Variants in TACC2 observed in about 807,000 individuals in gnomAD.
The protein encoded by TACC2 is transforming acidic coiled-coil containing protein 2.
Under a neutral mutation model 227.3 loss-of-function variants are expected in TACC2, and 137 were observed. That is an observed-to-expected ratio of 0.60 (90% CI 0.52 to 0.69). TACC2 has a LOEUF of 0.69. Among genes scored for constraint, TACC2 ranks in the 30% least tolerant of loss-of-function variants. TACC2 has a pLI of 0.00. For missense variants in TACC2, 3,470 were observed against 3,694.4 expected, an observed-to-expected ratio of 0.94 and a Z score of 1.57; for synonymous variants, 1,523 against 1,487.5, an observed-to-expected ratio of 1.02 and a Z score of -0.55.
Position 122,087,803 on chromosome 10 carries a change from G to A in TACC2, c.5303G>A (p.Ser1768Asn), listed in dbSNP as rs754931537. ...GGTACAGCTGCCCTTCATGGGGACA[G>A]CCCAGCCAGGCCCCAGCAGGCTAAG... ...MEGTAALHGD[S>N]PARPQQAKEQ... is the part of the protein sequence containing the mutation. Residue 1768 changes from serine to asparagine, a missense_variant, in exon 4 of 23, where the codon AGC (serine) becomes AAC (asparagine). Physicochemically the swap from Ser to Asn is conservative, Grantham distance 46. Transcript: ENST00000369005. 4.4e-6 allele frequency: 7 copies of A among 1,579,076 alleles called. No individual in the cohort carries two copies. Among genetic ancestry groups the A allele is most frequent in the Non-Finnish European group, 2.6e-6 (3 of 1,161,326 alleles).
intron 5 of TACC2, among the ~76,000 whole-genome samples, chr10:122,124,854 T>C (rs2086532586): frequency 6.6e-6 from 1 of 152,220 alleles, no homozygotes; most frequent in South Asian, 2.1e-4. Flanking sequence ...GTAATATAAA[T>C]GTATATGTAC....
rs566471372 is a variant in TACC2 at position 122,066,485 on chromosome 10, T to G, written c.146+15935T>G. Among the ~76,000 whole-genome samples the G allele has an allele frequency of 2.0e-5, 3 of 152,288 alleles. No homozygotes were observed. In the East Asian group the frequency reaches 5.8e-4, roughly 29 times the overall value. ...GGTTTTACCATGTTGGTCAGGGTGG[T>G]CTCGAACCCCTAACCTTGTGATCCG... is the stretch of plus-strand genomic sequence containing the variant. On this transcript the variant is annotated intron_variant, in intron 3 of 22. Transcript: ENST00000369005.
At chr10:122,024,555 T>G (rs1391151909) in intron 2 of TACC2, among the ~76,000 whole-genome samples, 1 of 152,148 alleles carries the variant, frequency 6.6e-6, no homozygotes, top group African/African-American at 2.4e-5. Flanking sequence ...CACCTCTCTC[T>G]CCTCTCATCC....
intron 5 of TACC2, among the ~76,000 whole-genome samples, chr10:122,088,922 A>C (rs897723772): frequency 6.6e-6 from 1 of 152,160 alleles, no homozygotes; most frequent in African/African-American, 2.4e-5. Context: ...GGAGTTTGAG[A>C]CCAGCCACAT....
chr10:122,008,264 A>ATTATTTTTTTTTTTTTTTT, intron 1 of TACC2, among the ~76,000 whole-genome samples: 2 of 134,652 alleles, frequency 1.5e-5, no homozygotes, highest in African/African-American at 5.6e-5. Context: ...TATTATTATT[A>ATTATTTTTTTTTTTTTTTT]TTTTTTTTTT....
intron 19 of TACC2, chr10:122,248,432 A>G (rs926122443): frequency 4.4e-5 from 26 of 596,754 alleles, no homozygotes; most frequent in Non-Finnish European, 6.8e-5. Flanking sequence ...GAGGCTGCAC[A>G]GGCCCGGGTC....
rs1441076981 is a variant in TACC2, at chr10:122,017,766, G to A, written c.-45-4171G>A. Among the ~76,000 whole-genome samples the A allele has an allele frequency of 4.4e-5, 6 of 136,984 alleles. No individual in the cohort carries two copies. In the South Asian group the frequency reaches 7.3e-4, roughly 17 times the overall value. 89.9% of individuals were successfully genotyped at this position (136,984 alleles called of 152,430 possible). A position where few individuals can be genotyped will look rare whatever the true frequency, so the allele number is the denominator to read the frequency against. The stretch of plus-strand genomic sequence containing the variant: ...CTAGAGGCAGAGGTTTCAGTGAGCC[G>A]AGATCGCGCCACTGCACTTCATCCA... On this transcript the variant is annotated intron_variant, in intron 1 of 22. Transcript: ENST00000369005.
chr10:122,217,231 A>C (rs1382969170), intron 11 of TACC2, among the ~76,000 whole-genome samples: 1 of 151,942 alleles, frequency 6.6e-6, no homozygotes, highest in African/African-American at 2.4e-5. Flanking sequence ...TGCCACCGTT[A>C]TTCCTAGGCC....
At chr10:122,047,257 C>G (rs1329798485) in intron 2 of TACC2, among the ~76,000 whole-genome samples, 1 of 124,822 alleles carries the variant, frequency 8.0e-6, no homozygotes, top group Non-Finnish European at 1.6e-5. Flanking sequence ...CCACCAAACT[C>G]CAGCCTGGGC....
At chr10:122,036,832 A>G (rs1289972388) in intron 2 of TACC2, among the ~76,000 whole-genome samples, 1 of 152,200 alleles carries the variant, frequency 6.6e-6, no homozygotes, top group Non-Finnish European at 1.5e-5. Flanking sequence ...CAATAATTCT[A>G]TGTTTAAGTT....
At chr10:122,157,094 A>T (rs901443357) in intron 7 of TACC2, among the ~76,000 whole-genome samples, 4 of 152,204 alleles carry the variant, frequency 2.6e-5, no homozygotes, top group Non-Finnish European at 5.9e-5. Context: ...CCTGGGTGAC[A>T]GAGTGAGACC....
chr10:122,119,596 G>A (rs1466859919), intron 5 of TACC2, among the ~76,000 whole-genome samples: 7 of 151,140 alleles, frequency 4.6e-5, no homozygotes, highest in Admixed American at 4.6e-4. Context: ...CCAGCATCTG[G>A]CTGAGTTTAT....
At chr10:122,146,890 T>C (rs537841918) in intron 7 of TACC2, among the ~76,000 whole-genome samples, 1 of 152,296 alleles carries the variant, frequency 6.6e-6, no homozygotes, top group East Asian at 1.9e-4. Flanking sequence ...TTCTTAGACT[T>C]GTCTTGTTTC....
chr10:122,107,880 A>ATATTTTT (rs1555034132), intron 5 of TACC2, among the ~76,000 whole-genome samples: 6 of 102,296 alleles, frequency 5.9e-5, no homozygotes, highest in Non-Finnish European at 1.1e-4. Context: ...ATATATATAT[A>ATATTTTT]TTTTTTTTTT....
At chr10:122,032,944 A>C (rs1486559391) in intron 2 of TACC2, 1 of 448,262 alleles carries the variant, frequency 2.2e-6, no homozygotes, top group Non-Finnish European at 4.1e-6. Context: ...GGGCAGACAC[A>C]GCAAGACTCT....
chr10:122,213,379 T>G, intron 9 of TACC2: 1 of 1,612,314 alleles, frequency 6.2e-7, no homozygotes, highest in Non-Finnish European at 8.5e-7. Flanking sequence ...TTCTCTGTTG[T>G]AAGTAAATTT....
rs374736488 is a variant in TACC2, at chr10:122,220,187, C to T, written c.7546+3359C>T. Among the ~76,000 whole-genome samples the T allele has an allele frequency of 2.6e-5, 4 of 151,914 alleles. No homozygotes were observed. In the East Asian group the frequency reaches 7.7e-4, roughly 29 times the overall value. Reference sequence around the variant, plus strand: ...AAAAATACTAACAGTACTTTTAGGGCTAATATATACCTCATTCAATGGTGG... The same window carrying T: ...AAAAATACTAACAGTACTTTTAGGGTTAATATATACCTCATTCAATGGTGG... On this transcript the variant is annotated intron_variant, in intron 11 of 22. Coordinates refer to ENST00000369005, the MANE Select transcript of TACC2 (RefSeq NM_206862.4).
At position 122,032,972 on chromosome 10, in the gene TACC2, A is replaced by AAACAACAAC. The variant is rs5788528; in HGVS notation, c.33+10979_33+10987dup. 2.0e-3 allele frequency: 905 copies of AAACAACAAC among 461,296 alleles called. 12 individuals carry two copies. Among genetic ancestry groups the AAACAACAAC allele is most frequent in the African/African-American group, 0.016 (745 of 47,404 alleles). 28.6% of individuals were successfully genotyped at this position (461,296 alleles called of 1,614,324 possible). Reference sequence around the variant, plus strand: ...AAGACTCTGTCTCAACAAAACAACAAAACAACAACAACAACAACAACAACA... The same window carrying AAACAACAAC: ...AAGACTCTGTCTCAACAAAACAACAAAACAACAACAACAACAACAACAACAACAACAACA... On this transcript the variant is annotated intron_variant, in intron 2 of 22. Transcript: ENST00000369005.
Position 122,211,105 on chromosome 10 carries a change from C to T in TACC2, c.6680C>T (p.Pro2227Leu), listed in dbSNP as rs2095281945. The T allele has an allele frequency of 1.2e-6, 2 of 1,611,832 alleles. No individual in the cohort carries two copies. The highest frequency in any genetic ancestry group is 1.7e-6 in the Non-Finnish European group (2 of 1,179,088). The change falls in exon 9 of 23, where the codon CCC becomes CTC. Residue 2227 changes from proline to leucine, a missense_variant. Transcript: ENST00000369005. The stretch of plus-strand genomic sequence containing the variant: ...GGAGGTGGCAGAGTGCAGAACTCAC[C>T]CCCTGTCGGGAGGAAAACGCTGCCT... The part of the protein sequence containing the change: ...ASGGGRVQNS[P>L]PVGRKTLPLT...
Sources: gnomAD v4.1 joint callset for allele counts (sites outside exome capture counted in the v4.1 genomes callset) on GRCh38, gnomAD v4.1.1 for gene constraint, MANE v1.5 for transcripts, NCBI Gene and HGNC (gene_info 2026-07-23, HGNC 2026-07-21) for gene names.